NRXN3: variants seen among roughly 807,000 people sequenced by gnomAD.
The protein encoded by NRXN3 is neurexin 3, also known as neurexin III.
Under a neutral mutation model 137.6 loss-of-function variants are expected in NRXN3, and 32 were observed. The ratio of observed to expected loss-of-function variants is 0.23; its 90% CI spans 0.18 to 0.31. The LOEUF (loss-of-function observed/expected upper bound fraction) is 0.31, where lower values mean the gene tolerates loss of function less well. Ranked by LOEUF, NRXN3 falls within the 10% of genes least tolerant of loss-of-function variation. NRXN3 has a pLI of 1.00. For synonymous variants in NRXN3, 798 were observed against 784.5 expected, an observed-to-expected ratio of 1.02 and a Z score of -0.29; for missense variants, 1,574 against 2,062.5, an observed-to-expected ratio of 0.76 and a Z score of 4.59.
At chr14:78,415,130 T>A (rs970318444) in intron 4 of NRXN3, among the ~76,000 whole-genome samples, 2 of 152,184 alleles carry the variant, frequency 1.3e-5, no homozygotes, top group African/African-American at 4.8e-5. Context: ...GCAAGGCTGG[T>A]CTTGAACTCC....
At chr14:78,963,766 G>C (rs2099412508) in intron 11 of NRXN3, among the ~76,000 whole-genome samples, 1 of 152,050 alleles carries the variant, frequency 6.6e-6, no homozygotes, top group Admixed American at 6.6e-5. Context: ...TCTAATTTTT[G>C]TGCTTATAGG....
intron 19 of NRXN3, among the ~76,000 whole-genome samples, chr14:79,718,856 T>C (rs2098832666): frequency 1.3e-5 from 2 of 152,170 alleles, no homozygotes. Flanking sequence ...CTCTGTTGTG[T>C]TCATTCTAGA....
rs181461504 is a variant in NRXN3, at chr14:79,134,090, C to A, written c.3262+145949C>A. On this transcript the variant is annotated intron_variant, in intron 15 of 20. Transcript: ENST00000335750. ...TCAAATTTATGACATTTTCCTCTCA[C>A]CCCTTAGTGGTGAAGAAACTGAAAT... Among the ~76,000 whole-genome samples, 159 of 152,200 alleles carry A rather than the reference C, an allele frequency of 1.0e-3. 1 individual carries two copies. The highest frequency in any genetic ancestry group is 3.7e-3 in the African/African-American group (152 of 41,518).
At chr14:78,737,352 A>T (rs912907743) in intron 8 of NRXN3, among the ~76,000 whole-genome samples, 1 of 152,162 alleles carries the variant, frequency 6.6e-6, no homozygotes, top group Non-Finnish European at 1.5e-5. Flanking sequence ...AGTGCACTAT[A>T]GGAAATCCGG....
At chr14:78,909,346 T>C (rs2099229586) in intron 10 of NRXN3, among the ~76,000 whole-genome samples, 1 of 152,152 alleles carries the variant, frequency 6.6e-6, no homozygotes, top group Non-Finnish European at 1.5e-5. Flanking sequence ...CAACAGTTTT[T>C]TGGGCTGCTC....
intron 19 of NRXN3, among the ~76,000 whole-genome samples, chr14:79,785,573 CAG>C (rs2099126956): frequency 6.6e-6 from 1 of 152,174 alleles, no homozygotes; most frequent in Admixed American, 6.5e-5. Context: ...ACATCCCACT[CAG>C]AATCTATCTC....
At chr14:79,442,467 C>T (rs895073735) in intron 15 of NRXN3, among the ~76,000 whole-genome samples, 10 of 152,152 alleles carry the variant, frequency 6.6e-5, no homozygotes, top group Non-Finnish European at 1.3e-4. Context: ...TTTTGGGCTT[C>T]TCTTGCCAGT....
At chr14:78,404,322 G>A (rs767097181) in intron 4 of NRXN3, among the ~76,000 whole-genome samples, 1 of 152,060 alleles carries the variant, frequency 6.6e-6, no homozygotes. Flanking sequence ...AATGAAATTG[G>A]AGGAGGCAGC....
intron 15 of NRXN3, among the ~76,000 whole-genome samples, chr14:79,349,818 AAAG>A (rs1469820320): frequency 6.6e-6 from 1 of 152,124 alleles, no homozygotes; most frequent in Non-Finnish European, 1.5e-5. Flanking sequence ...ACATACATAG[AAAG>A]AAGATTATGC....
chr14:78,359,933 T>G (rs2084877278), intron 4 of NRXN3, among the ~76,000 whole-genome samples: 1 of 152,136 alleles, frequency 6.6e-6, no homozygotes, highest in African/African-American at 2.4e-5. Flanking sequence ...CTGTCTCTCT[T>G]GAATTTTTAA....
intron 4 of NRXN3, among the ~76,000 whole-genome samples, chr14:78,425,443 C>T (rs1219579139): frequency 6.6e-6 from 1 of 152,152 alleles, no homozygotes; most frequent in Non-Finnish European, 1.5e-5. Flanking sequence ...AGTGTCAAAT[C>T]TGCATATTCC....
chr14:79,294,795 T>C (rs918921803), intron 15 of NRXN3, among the ~76,000 whole-genome samples: 2 of 152,220 alleles, frequency 1.3e-5, no homozygotes, highest in Non-Finnish European at 1.5e-5. Flanking sequence ...CACTGGTCCA[T>C]GCTCTGAACT....
At chr14:79,320,547 C>T (rs1038424617) in intron 15 of NRXN3, among the ~76,000 whole-genome samples, 5 of 152,128 alleles carry the variant, frequency 3.3e-5, no homozygotes, top group African/African-American at 1.2e-4. Context: ...GTACATTTTC[C>T]CTCAGGTAAA....
chr14:78,469,477 C>G (rs2095211813), intron 4 of NRXN3, among the ~76,000 whole-genome samples: 1 of 152,138 alleles, frequency 6.6e-6, no homozygotes, highest in Non-Finnish European at 1.5e-5. Context: ...GGGTTGCAAG[C>G]CATGGCAAAG....
intron 15 of NRXN3, among the ~76,000 whole-genome samples, chr14:79,458,832 G>T (rs2096289550): frequency 6.6e-6 from 1 of 152,046 alleles, no homozygotes; most frequent in Non-Finnish European, 1.5e-5. Flanking sequence ...AATTAATCAG[G>T]AATGGACTAT....
intron 17 of NRXN3, among the ~76,000 whole-genome samples, chr14:79,681,527 A>G (rs1448110156): frequency 6.6e-6 from 1 of 152,026 alleles, no homozygotes; most frequent in Non-Finnish European, 1.5e-5. Context: ...GGAAGTTCAC[A>G]TGGCAATCTC....
chr14:78,903,515 T>C (rs1021779465), intron 10 of NRXN3, among the ~76,000 whole-genome samples: 2 of 152,006 alleles, frequency 1.3e-5, no homozygotes, highest in Non-Finnish European at 2.9e-5. Context: ...TTAAATTGCA[T>C]ACTTCCCATT....
At chr14:79,596,580 A>T (rs994170554) in intron 16 of NRXN3, among the ~76,000 whole-genome samples, 2 of 126,954 alleles carry the variant, frequency 1.6e-5, no homozygotes, top group Non-Finnish European at 3.3e-5. Context: ...TTTGGACAGG[A>T]GCACTCTCTC....
intron 15 of NRXN3, among the ~76,000 whole-genome samples, chr14:79,407,180 T>C (rs981660541): frequency 2.6e-5 from 4 of 152,182 alleles, no homozygotes; most frequent in African/African-American, 9.7e-5. Context: ...AAAAAGGTTT[T>C]AAAATTTTTT....
Sources: allele counts gnomAD v4.1 joint callset (sites outside exome capture counted in the v4.1 genomes callset), GRCh38; gene constraint gnomAD v4.1.1; transcripts MANE v1.5; gene names NCBI Gene and HGNC (gene_info 2026-07-23, HGNC 2026-07-21).